PIGX: variants seen among roughly 807,000 people sequenced by gnomAD.
PIGX encodes GPI alpha-1,4-mannosyltransferase I, stabilizing subunit.
In PIGX, 24 loss-of-function variants were observed where a neutral mutation model predicts 28.7. The ratio of observed to expected loss-of-function variants is 0.84; its 90% CI spans 0.60 to 1.17. PIGX has a LOEUF of 1.17. Among genes scored for constraint, PIGX ranks in the 50% most tolerant of loss-of-function variants. PIGX has a pLI of 0.00. For synonymous variants in PIGX, 127 were observed against 121.0 expected (o/e 1.05, Z -0.33); for missense variants, 305 against 317.8 (o/e 0.96, Z 0.31).
At position 196,733,755 on chromosome 3, in the gene PIGX, A is replaced by G. The variant is rs994404376; in HGVS notation, c.634-4A>G. On this transcript the variant is annotated splice_polypyrimidine_tract_variant and splice_region_variant and intron_variant, in intron 5 of 5. Transcript: ENST00000392391. This position sits in a 1 kb window ranked among gnomAD's most constrained non-coding sequence, Gnocchi z 4.3. Reference sequence around the variant, plus strand: ...ATGTCTAACTTCTCTCTCTCTCTCCATAGGTATATAAGAATGTGATTCTAC... The same window carrying G: ...ATGTCTAACTTCTCTCTCTCTCTCCGTAGGTATATAAGAATGTGATTCTAC... 1 of 1,589,242 alleles carries G rather than the reference A, an allele frequency of 6.3e-7. No homozygotes were observed. The highest frequency in any genetic ancestry group is 8.6e-7 in the Non-Finnish European group (1 of 1,157,658).
intron 2 of PIGX, among the ~76,000 whole-genome samples, chr3:196,717,419 T>C (rs1376663561): frequency 6.6e-6 from 1 of 152,156 alleles, no homozygotes; most frequent in Non-Finnish European, 1.5e-5. Context: ...AAGTATGTAT[T>C]GTTTACCACG....
Position 196,712,526 on chromosome 3 carries a change from C to G in PIGX, c.-7C>G. ...GCGCCCCTCTCGGGCGTCCGGCTTC[C>G]GGCGTCCTGGCGGCTCGGGTGGCGG... On this transcript the variant is annotated 5_prime_UTR_variant, in exon 1 of 6. Coordinates refer to ENST00000392391, the MANE Select transcript of PIGX (RefSeq NM_017861.4). 8.6e-7 allele frequency: 1 copy of G among 1,159,830 alleles called. No individual in the cohort carries two copies. The highest frequency in any genetic ancestry group is 4.2e-5 in the South Asian group (1 of 23,662). The allele number at this position is 1,159,830 out of a possible 1,614,324, so 71.8% of individuals were successfully genotyped here.
chr3:196,713,887 CA>C (rs1222953085), intron 1 of PIGX, among the ~76,000 whole-genome samples: 1 of 150,752 alleles, frequency 6.6e-6, no homozygotes, highest in Middle Eastern at 3.2e-3. Flanking sequence ...GCCAGTTCAC[CA>C]CTACCAAAGT....
intron 1 of PIGX, among the ~76,000 whole-genome samples, chr3:196,715,337 A>G (rs1294604660): frequency 6.6e-6 from 1 of 152,166 alleles, no homozygotes; most frequent in East Asian, 1.9e-4. Context: ...AAATCAGGCA[A>G]ACCTTTCTTC....
chr3:196,712,790 C>T, intron 1 of PIGX, 146 bp downstream of exon 1: 3 of 1,106,982 alleles, frequency 2.7e-6, no homozygotes, highest in African/African-American at 1.7e-5. Context: ...GAGCCGTGTG[C>T]CCTCCTTCCC....
At chr3:196,727,819 A>T (rs1051183172) in intron 3 of PIGX, 104 bp from the exon 4 acceptor site, 7 of 693,860 alleles carry the variant, frequency 1.0e-5, no homozygotes, top group Non-Finnish European at 1.4e-5. Context: ...AAAGGGGCAA[A>T]TTTGACACTG....
At chr3:196,712,683 C>G in intron 1 of PIGX, 39 bp downstream of exon 1, 17 of 1,173,686 alleles carry the variant, frequency 1.4e-5, no homozygotes, top group Non-Finnish European at 1.7e-5. Flanking sequence ...AGCGTGGGAG[C>G]GGTCCCGGCT....
chr3:196,730,466 T>C (rs1712701263), intron 4 of PIGX, among the ~76,000 whole-genome samples: 3 of 152,002 alleles, frequency 2.0e-5, no homozygotes, highest in Admixed American at 6.6e-5. Flanking sequence ...GAAGTCATGT[T>C]TGGCCAGGCG....
At chr3:196,727,818 A>G (rs1354365078) in intron 3 of PIGX, 105 bp from the exon 4 acceptor site, 1 of 684,336 alleles carries the variant, frequency 1.5e-6, no homozygotes. Context: ...AAAAGGGGCA[A>G]ATTTGACACT....
At chr3:196,715,807 G>T (rs532583951) in intron 1 of PIGX, among the ~76,000 whole-genome samples, 2 of 152,078 alleles carry the variant, frequency 1.3e-5, no homozygotes, top group Admixed American at 1.3e-4. Flanking sequence ...TCCCACCTCA[G>T]CCTCCTAAGT....
intron 4 of PIGX, among the ~76,000 whole-genome samples, chr3:196,729,357 T>A (rs1234909635): frequency 6.6e-6 from 1 of 151,568 alleles, no homozygotes; most frequent in African/African-American, 2.4e-5. Flanking sequence ...ATAAAAAAAA[T>A]AAAAAGCTTT....
At chr3:196,713,072 C>T in intron 1 of PIGX, 1 of 985,886 alleles carries the variant, frequency 1.0e-6, no homozygotes, top group South Asian at 4.7e-5. Context: ...TAGTAGTTGG[C>T]AAACTGCTTG....
intron 2 of PIGX, among the ~76,000 whole-genome samples, chr3:196,717,225 C>T (rs1712133616): frequency 6.8e-6 from 1 of 146,618 alleles, no homozygotes; most frequent in Non-Finnish European, 1.5e-5. Context: ...CACTTGAACC[C>T]GGGAGGTGGA....
chr3:196,728,425 A>C, intron 4 of PIGX: 1 of 589,664 alleles, frequency 1.7e-6, no homozygotes, highest in Non-Finnish European at 3.0e-6. Context: ...CGAACCCACC[A>C]TCCTGACTGT....
chr3:196,727,149 G>A lies in PIGX; in HGVS notation c.319-774G>A, dbSNP rs111937456. Among the ~76,000 whole-genome samples, 677 of 152,202 alleles carry A rather than the reference G, an allele frequency of 4.4e-3. 6 individuals are homozygous for A. Among genetic ancestry groups the A allele is most frequent in the African/African-American group, 0.016 (660 of 41,512 alleles). Reference sequence around the variant, plus strand: ...TGGACAATCTAAAGAGAAGTTGTGCGTGTGTGTACATCCATACATATACAC... The same window carrying A: ...TGGACAATCTAAAGAGAAGTTGTGCATGTGTGTACATCCATACATATACAC... On this transcript the variant is annotated intron_variant, in intron 3 of 5. Coordinates refer to ENST00000392391, the MANE Select transcript of PIGX (RefSeq NM_017861.4).
At position 196,733,912 on chromosome 3, in the gene PIGX, A is replaced by C. The variant is rs922478096; in HGVS notation, c.*10A>C. The C allele has an allele frequency of 3.3e-6, 5 of 1,526,212 alleles. No individual in the cohort carries two copies. Among genetic ancestry groups the C allele is most frequent in the Admixed American group, 3.4e-5 (2 of 59,362 alleles). The allele number at this position is 1,526,212 out of a possible 1,614,324, so 94.5% of individuals were successfully genotyped here. A position where few individuals can be genotyped will look rare whatever the true frequency, so the allele number is the denominator to read the frequency against. On this transcript the variant is annotated 3_prime_UTR_variant, in exon 6 of 6. Coordinates refer to ENST00000392391, the MANE Select transcript of PIGX (RefSeq NM_017861.4). The surrounding 1 kb of genome is among the most constrained non-coding windows in gnomAD (Gnocchi z 4.3). ...CCATTTTTCCCTATAAGTTTTATGT[A>C]GTTAAATGCTTCCTAGAAACCTAAA...
intron 1 of PIGX, among the ~76,000 whole-genome samples, chr3:196,714,031 C>T (rs1320924486): frequency 6.6e-6 from 1 of 152,088 alleles, no homozygotes; most frequent in Non-Finnish European, 1.5e-5. Flanking sequence ...TTCTCCGGTC[C>T]CAATGATCAA....
chr3:196,722,357 T>C lies in PIGX; in HGVS notation c.177-58T>C, dbSNP rs925088249. ...TTTCACTAATAGGAATACAGTGTTATGTTATCTCATTTAACAGTTGAATGA... is the reference window on the plus strand; with the variant it reads ...TTTCACTAATAGGAATACAGTGTTACGTTATCTCATTTAACAGTTGAATGA... On this transcript the variant is annotated intron_variant, in intron 2 of 5. Transcript: ENST00000392391. 8 of 1,282,928 alleles carry C rather than the reference T, an allele frequency of 6.2e-6. No individual in the cohort carries two copies. The Admixed American group carries it at 1.0e-4, about 16-fold the overall frequency. 79.5% of individuals were successfully genotyped at this position (1,282,928 alleles called of 1,614,324 possible).
Position 196,722,572 on chromosome 3 carries a change from GA to G in PIGX, c.318+17del, listed in dbSNP as rs1712364682. On this transcript the variant is annotated intron_variant, in intron 3 of 5. Coordinates refer to ENST00000392391, the MANE Select transcript of PIGX (RefSeq NM_017861.4). ...CATAACAGAGGTACAGTTATTAGGG[GA>G]TTTTTTGGGAGAGAAATTAATTTAG... 6.2e-7 allele frequency: 1 copy of G among 1,603,812 alleles called. No homozygotes were observed. Among genetic ancestry groups the G allele is most frequent in the East Asian group, 2.2e-5 (1 of 44,802 alleles).
Sources: allele counts gnomAD v4.1 joint callset (sites outside exome capture counted in the v4.1 genomes callset), GRCh38; gene constraint gnomAD v4.1.1; non-coding constraint Gnocchi (gnomAD v3.1); transcripts MANE v1.5; gene names NCBI Gene and HGNC (gene_info 2026-07-23, HGNC 2026-07-21).